The following CUL7 variants were observed in gnomAD, a reference collection of about 807,000 sequenced individuals.
CUL7 encodes the protein cullin 7.
In CUL7, 96 loss-of-function variants were observed where a neutral mutation model predicts 177.7. The ratio of observed to expected loss-of-function variants is 0.54; its 90% CI spans 0.46 to 0.64. The LOEUF is 0.64. CUL7 is among the 30% of genes least tolerant of loss of function. The pLI is 0.00. For synonymous variants in CUL7, 824 were observed against 890.2 expected, an observed-to-expected ratio of 0.93 and a Z score of 1.32; for missense variants, 1,893 against 2,187.9, an observed-to-expected ratio of 0.87 and a Z score of 2.69.
At position 43,043,546 on chromosome 6, in the gene CUL7, C is replaced by A. The variant is rs776904209; in HGVS notation, c.3257G>T (p.Gly1086Val). ...QEAVFNPQSR[G>V]PAFFSRVRRL... ...GCGCACCCGCGAGAAGAAAGCTGGG[C>A]CGCGGCTCTGGGGGTTGAAGACAGC... The change falls in exon 17 of 26, where the codon GGC (glycine) becomes GTC (valine). Residue 1086 changes from glycine to valine, a missense_variant. Physicochemically the swap from Gly to Val is moderately radical, Grantham distance 109. This residue lies in a region of CUL7 where 973 missense variants were observed against 1,140.9 expected (regional missense o/e 0.85). Transcript: ENST00000265348. This position sits in a 1 kb window ranked among gnomAD's most constrained non-coding sequence, Gnocchi z 4.2. 1 of 1,614,054 alleles carries A rather than the reference C, an allele frequency of 6.2e-7. No homozygotes were observed. The highest frequency in any genetic ancestry group is 1.7e-5 in the Admixed American group (1 of 60,004).
chr6:43,044,635 T>C, intron 16 of CUL7, 117 bp downstream of exon 16: 2 of 1,409,194 alleles, frequency 1.4e-6, no homozygotes, highest in Admixed American at 2.3e-5. Context: ...GGATTACAAA[T>C]GCAGGTGCCA....
In CUL7 at chr6:43,050,867, T is replaced by C; in HGVS notation, c.1233+101A>G. Reference sequence around the variant, plus strand: ...ACCATTCCAATCTTACCTAAAGCTTTCTCTTTGGGTGGCCTGCTGGAGCCC... The same window carrying C: ...ACCATTCCAATCTTACCTAAAGCTTCCTCTTTGGGTGGCCTGCTGGAGCCC... On this transcript the variant is annotated intron_variant, in intron 4 of 25. Transcript: ENST00000265348. The surrounding 1 kb of genome is among the most constrained non-coding windows in gnomAD (Gnocchi z 4.1). 7.0e-7 allele frequency: 1 copy of C among 1,431,014 alleles called. No homozygotes were observed. The highest frequency in any genetic ancestry group is 9.7e-7 in the Non-Finnish European group (1 of 1,032,444). The allele number at this position is 1,431,014 out of a possible 1,614,324, so 88.6% of individuals were successfully genotyped here. A position where few individuals can be genotyped will look rare whatever the true frequency, so the allele number is the denominator to read the frequency against.
Position 43,053,658 on chromosome 6 carries a change from C to A in CUL7, c.-45G>T, listed in dbSNP as rs1260776047. On this transcript the variant is annotated 5_prime_UTR_variant, in exon 1 of 26. Coordinates refer to ENST00000265348, the MANE Select transcript of CUL7 (RefSeq NM_014780.5). The surrounding 1 kb of genome is among the most constrained non-coding windows in gnomAD (Gnocchi z 4.1). ...ACCGGGGTCCTGGCGCGAGGCCTGTCCTTCACAGAGCAAGGGACGCGGCAC... is the reference window on the plus strand; with the variant it reads ...ACCGGGGTCCTGGCGCGAGGCCTGTACTTCACAGAGCAAGGGACGCGGCAC... 8 of 1,397,586 alleles carry A rather than the reference C, an allele frequency of 5.7e-6. No homozygotes were observed. Among genetic ancestry groups the A allele is most frequent in the Non-Finnish European group, 6.5e-6 (7 of 1,081,376 alleles). 86.6% of individuals were successfully genotyped at this position (1,397,586 alleles called of 1,614,324 possible).
chr6:43,050,318 C>T lies in CUL7; in HGVS notation c.1314G>A (p.Glu438=), dbSNP rs1261371409. The change falls in exon 5 of 26, where the codon GAG becomes GAA. Residue 438 remains glutamate, a synonymous_variant. Coordinates refer to ENST00000265348, the MANE Select transcript of CUL7 (RefSeq NM_014780.5). This position sits in a 1 kb window ranked among gnomAD's most constrained non-coding sequence, Gnocchi z 4.1. ...GGTACTCATCAGCCTCAACCATGTC[C>T]TCAATGTCTTCCTCAAAGCCCAAGA... ...LEILGFEEDI[E]DMVEADEYQG... 5 of 1,614,070 alleles carry T rather than the reference C, an allele frequency of 3.1e-6. No individual in the cohort carries two copies. The highest frequency in any genetic ancestry group is 4.2e-6 in the Non-Finnish European group (5 of 1,180,048).
rs1763056752 is a variant in CUL7, at chr6:43,037,675, C to CCCAA, written c.*9_*12dup. The stretch of plus-strand genomic sequence containing the variant: ...AGCTCCAGCTCTACCTTCCCCTGAC[C>CCCAA]CCAAGTCTAGGGCTACCGGAAGGTA... On this transcript the variant is annotated 3_prime_UTR_variant, in exon 26 of 26. Coordinates refer to ENST00000265348, the MANE Select transcript of CUL7 (RefSeq NM_014780.5). 8 of 1,550,580 alleles carry CCCAA rather than the reference C, an allele frequency of 5.2e-6. No homozygotes were observed. The African/African-American group carries it at 8.2e-5, about 16-fold the overall frequency.
Position 43,037,915 on chromosome 6 carries a change from A to C in CUL7, c.4870T>G (p.Cys1624Gly), listed in dbSNP as rs145636863. ...CCCTTGCCCAGGAGGTGTAGGATGC[A>C]GGAGAGGACGTCAGTGCTGCTGCAT... ...SACSSTDVLS[C>G]ILHLLGKGTL... Residue 1624 changes from cysteine (C) to glycine (G), a missense_variant, in exon 26 of 26, where the codon TGC (cysteine) becomes GGC (glycine). By Grantham distance (159) the Cys-to-Gly change is radical (BLOSUM62 -3). Around this residue, in one of 5 missense-constraint regions of CUL7, gnomAD observed 248 missense variants for 262.5 expected, o/e 0.94. Coordinates refer to ENST00000265348, the MANE Select transcript of CUL7 (RefSeq NM_014780.5). The C allele has an allele frequency of 1.2e-6, 2 of 1,611,276 alleles. No homozygotes were observed. The highest frequency in any genetic ancestry group is 1.3e-5 in the African/African-American group (1 of 74,860).
intron 11 of CUL7, 41 bp downstream of exon 11, chr6:43,046,470 T>C (rs1763915833): frequency 6.2e-7 from 1 of 1,613,696 alleles, no homozygotes; most frequent in South Asian, 1.1e-5. Flanking sequence ...GAAACAGACA[T>C]AGGTGTGGGG....
chr6:43,043,471 G>A lies in CUL7; in HGVS notation c.3332C>T (p.Pro1111Leu), dbSNP rs760768495. 58 of 1,613,900 alleles carry A rather than the reference G, an allele frequency of 3.6e-5. No homozygotes were observed. Among genetic ancestry groups the A allele is most frequent in the Middle Eastern group, 1.6e-4 (1 of 6,062 alleles). The change falls in exon 17 of 26, where the codon CCT becomes CTT. Residue 1111 changes from proline to leucine, a missense_variant. By Grantham distance (98) the Pro-to-Leu change is moderately conservative. This residue lies in a region of CUL7 where 973 missense variants were observed against 1,140.9 expected (regional missense o/e 0.85). Transcript: ENST00000265348. This position sits in a 1 kb window ranked among gnomAD's most constrained non-coding sequence, Gnocchi z 4.2. ...VHVEPCEAPPPVVATPRPKGR... is the reference protein window; with the variant it reads ...VHVEPCEAPPLVVATPRPKGR... ...ACTGGGCCGAGGAGTGGCCACCACAGGAGGGGGTGCCTCACAGGGCTCGAC... is the reference window on the plus strand; with the variant it reads ...ACTGGGCCGAGGAGTGGCCACCACAAGAGGGGGTGCCTCACAGGGCTCGAC...
chr6:43,041,963 C>G (rs1763454961), intron 19 of CUL7, among the ~76,000 whole-genome samples: 1 of 138,146 alleles, frequency 7.2e-6, no homozygotes. Context: ...GAGATCGAGC[C>G]ACTGCACTCC....
At position 43,041,095 on chromosome 6, in the gene CUL7, A is replaced by G; in HGVS notation, c.3646-20T>C. 1.2e-6 allele frequency: 2 copies of G among 1,613,222 alleles called. No homozygotes were observed. The highest frequency in any genetic ancestry group is 1.7e-6 in the Non-Finnish European group (2 of 1,179,652). On this transcript the variant is annotated intron_variant, in intron 19 of 25. Transcript: ENST00000265348. ...ACTCACCTGAGCAATGGCAGAGCAC[A>G]GGAAAGCCATGAATGAGCGAGCAGA... is the stretch of plus-strand genomic sequence containing the variant.
In CUL7 at chr6:43,040,993, G is replaced by A; in HGVS notation, c.3728C>T (p.Ala1243Val). Residue 1243 changes from alanine (A) to valine (V), a missense_variant, in exon 20 of 26, where the codon GCA (alanine) becomes GTA (valine). Ala to Val is a moderately conservative substitution (Grantham distance 64). This residue lies in a region of CUL7 where 973 missense variants were observed against 1,140.9 expected (regional missense o/e 0.85). Transcript: ENST00000265348. This position sits in a 1 kb window ranked among gnomAD's most constrained non-coding sequence, Gnocchi z 4.2. Reference protein sequence around the residue: ...IGGAQEMERLAQLQQCLQAVL... With the variant: ...IGGAQEMERLVQLQQCLQAVL... ...AGCTTGCAGGCATTGCTGCAGCTGT[G>A]CCAGCCTCTCCATTTCCTGGGCTCC... 1 of 1,613,454 alleles carries A rather than the reference G, an allele frequency of 6.2e-7. No homozygotes were observed.
rs1036479915 is a variant in CUL7, at chr6:43,050,612, C to G, written c.1234-214G>C. The stretch of plus-strand genomic sequence containing the variant: ...CACACACACACACACACACAGGATG[C>G]CTTCTCCTTTGGGGGATGGGCCTGT... On this transcript the variant is annotated intron_variant, in intron 4 of 25. Transcript: ENST00000265348. This position sits in a 1 kb window ranked among gnomAD's most constrained non-coding sequence, Gnocchi z 4.1. 4.1e-5 allele frequency among the ~76,000 whole-genome samples: 6 copies of G among 145,162 alleles called. No individual in the cohort carries two copies. Among genetic ancestry groups the G allele is most frequent in the African/African-American group, 1.5e-4 (6 of 39,080 alleles).
In CUL7 at chr6:43,040,894, G is replaced by T; in HGVS notation, c.3806+21C>A. The T allele has an allele frequency of 6.2e-7, 1 of 1,611,996 alleles. No individual in the cohort carries two copies. Among genetic ancestry groups the T allele is most frequent in the Middle Eastern group, 1.7e-4 (1 of 6,058 alleles). ...ATCATCCTGCCTCCCGCCAGCTCCC[G>T]CTCCTTAGGTCCACACTCACTGGTA... On this transcript the variant is annotated intron_variant, in intron 20 of 25. Coordinates refer to ENST00000265348, the MANE Select transcript of CUL7 (RefSeq NM_014780.5). This position sits in a 1 kb window ranked among gnomAD's most constrained non-coding sequence, Gnocchi z 4.2.
Position 43,053,778 on chromosome 6 carries a change from C to T in CUL7, c.-165G>A, listed in dbSNP as rs1217444000. On this transcript the variant is annotated 5_prime_UTR_variant, in exon 1 of 26. In the 5' UTR this introduces an upstream ATG that the reference lacks. Coordinates refer to ENST00000265348, the MANE Select transcript of CUL7 (RefSeq NM_014780.5). The surrounding 1 kb of genome is among the most constrained non-coding windows in gnomAD (Gnocchi z 4.1). ...CGTGCCTCCGCGGAACAGAGCTGCA[C>T]CCGCGTGAGTCGGCAGCCACTGGGG... is the stretch of plus-strand genomic sequence containing the variant. 8 of 1,531,334 alleles carry T rather than the reference C, an allele frequency of 5.2e-6. No individual in the cohort carries two copies. The African/African-American group carries it at 6.9e-5, about 13-fold the overall frequency. The allele number at this position is 1,531,334 out of a possible 1,614,324, so 94.9% of individuals were successfully genotyped here.
Position 43,050,454 on chromosome 6 carries a change from C to T in CUL7, c.1234-56G>A, listed in dbSNP as rs973386824. ...GAAGGGAGGACTCACAAATGACTGG[C>T]TGTGGCCCAGTACTGAGGACTATAG... On this transcript the variant is annotated intron_variant, in intron 4 of 25. Coordinates refer to ENST00000265348, the MANE Select transcript of CUL7 (RefSeq NM_014780.5). The surrounding 1 kb of genome is among the most constrained non-coding windows in gnomAD (Gnocchi z 4.1). The T allele has an allele frequency of 9.9e-6, 16 of 1,608,522 alleles. No individual in the cohort carries two copies. The highest frequency in any genetic ancestry group is 1.4e-5 in the Non-Finnish European group (16 of 1,177,362).
chr6:43,050,924 C>A lies in CUL7; in HGVS notation c.1233+44G>T. 6.2e-7 allele frequency: 1 copy of A among 1,610,548 alleles called. No homozygotes were observed. The highest frequency in any genetic ancestry group is 8.5e-7 in the Non-Finnish European group (1 of 1,179,560). On this transcript the variant is annotated intron_variant, in intron 4 of 25. Transcript: ENST00000265348. This position sits in a 1 kb window ranked among gnomAD's most constrained non-coding sequence, Gnocchi z 4.1. ...ATAGAAGTCCCAGCTCTGCCCTACC[C>A]CAAATAGACCCCCAACAGTATCCCA...
Position 43,042,028 on chromosome 6 carries a change from GAAGA to G in CUL7, c.3645+770_3645+773del, listed in dbSNP as rs754342437. 6.5e-3 allele frequency among the ~76,000 whole-genome samples: 789 copies of G among 121,920 alleles called. 5 individuals are homozygous for G. Among genetic ancestry groups the G allele is most frequent in the Middle Eastern group, 0.036 (8 of 224 alleles). 80.0% of individuals were successfully genotyped at this position (121,920 alleles called of 152,430 possible). On this transcript the variant is annotated intron_variant, in intron 19 of 25. Transcript: ENST00000265348. The stretch of plus-strand genomic sequence containing the variant: ...CAAAAAAAAAAAAAAAAAAAAGGAA[GAAGA>G]AAGAAAGAGAGAAGGAAAGAAAGAG...
intron 19 of CUL7, among the ~76,000 whole-genome samples, chr6:43,042,428 C>T (rs1402773582): frequency 6.6e-6 from 1 of 152,152 alleles, no homozygotes; most frequent in African/African-American, 2.4e-5. Flanking sequence ...GCAACCTCCA[C>T]TTCCTGGGTT....
chr6:43,040,110 A>G lies in CUL7; in HGVS notation c.4294+46T>C, dbSNP rs1425337467. The stretch of plus-strand genomic sequence containing the variant: ...CCCCAACCCCAGGTCCTTTCCTAGC[A>G]GCCCACCCTCTCCCCAGTCCCCAGT... On this transcript the variant is annotated intron_variant, in intron 22 of 25. Transcript: ENST00000265348. The surrounding 1 kb of genome is among the most constrained non-coding windows in gnomAD (Gnocchi z 4.2). 3.7e-6 allele frequency: 6 copies of G among 1,612,630 alleles called. No individual in the cohort carries two copies. Among genetic ancestry groups the G allele is most frequent in the Non-Finnish European group, 5.1e-6 (6 of 1,178,980 alleles).
Sources: allele counts gnomAD v4.1 joint callset (sites outside exome capture counted in the v4.1 genomes callset), GRCh38; gene constraint gnomAD v4.1.1; regional missense constraint gnomAD v4.1.1; non-coding constraint Gnocchi (gnomAD v3.1); transcripts MANE v1.5; gene names NCBI Gene and HGNC (gene_info 2026-07-23, HGNC 2026-07-21).